Variants in CAMKMT observed in about 807,000 individuals in gnomAD.
CAMKMT encodes the protein calmodulin-lysine N-methyltransferase.
CAMKMT carries 53 observed loss-of-function variants against 48.0 expected under a neutral mutation model. That is an observed-to-expected ratio of 1.10 (90% confidence interval 0.89 to 1.39). CAMKMT has a LOEUF of 1.39. Among genes scored for constraint, CAMKMT ranks in the 40% most tolerant of loss-of-function variants. CAMKMT has a pLI of 0.00. For synonymous variants in CAMKMT, 165 were observed against 152.3 expected, an observed-to-expected ratio of 1.08 and a Z score of -0.61; for missense variants, 428 against 402.7, an observed-to-expected ratio of 1.06 and a Z score of -0.54.
At chr2:44,415,996 A>G (rs1451855680) in intron 3 of CAMKMT, among the ~76,000 whole-genome samples, 3 of 152,248 alleles carry the variant, frequency 2.0e-5, no homozygotes, top group Admixed American at 6.5e-5. Flanking sequence ...TCTCATGTCA[A>G]TCTAAATGTG....
At chr2:44,712,514 C>T (rs1236469468) in intron 6 of CAMKMT, among the ~76,000 whole-genome samples, 1 of 151,886 alleles carries the variant, frequency 6.6e-6, no homozygotes, top group Non-Finnish European at 1.5e-5. Context: ...TGAAATGGAG[C>T]CCTACCTCTG....
At chr2:44,660,216 A>G (rs371378821) in intron 3 of CAMKMT, among the ~76,000 whole-genome samples, 11 of 152,310 alleles carry the variant, frequency 7.2e-5, no homozygotes, top group African/African-American at 2.6e-4. Context: ...AGACAGCTGG[A>G]CTGTCTTATC....
At chr2:44,515,040 G>C (rs1443047419) in intron 3 of CAMKMT, among the ~76,000 whole-genome samples, 2 of 152,186 alleles carry the variant, frequency 1.3e-5, no homozygotes, top group African/African-American at 4.8e-5. Flanking sequence ...GGCAAATAAA[G>C]CTGACCTGAT....
intron 2 of CAMKMT, among the ~76,000 whole-genome samples, chr2:44,376,784 T>A (rs938490068): frequency 2.0e-5 from 3 of 152,204 alleles, no homozygotes; most frequent in Non-Finnish European, 4.4e-5. Context: ...TGATAATAAT[T>A]AAAATGAAGG....
intron 3 of CAMKMT, among the ~76,000 whole-genome samples, chr2:44,609,010 T>G (rs896609607): frequency 1.3e-5 from 2 of 152,232 alleles, no homozygotes; most frequent in African/African-American, 4.8e-5. Flanking sequence ...TCTACCTTTT[T>G]CTTGCCATAC....
chr2:44,549,569 T>C, intron 3 of CAMKMT: 1 of 694,790 alleles, frequency 1.4e-6, no homozygotes. Flanking sequence ...AGGGTCTCAC[T>C]CTGTTGCCCA....
intron 7 of CAMKMT, among the ~76,000 whole-genome samples, chr2:44,721,696 G>A (rs1678468387): frequency 1.3e-5 from 2 of 152,190 alleles, no homozygotes; most frequent in Admixed American, 1.3e-4. Context: ...TTGGCCAGAT[G>A]TGCTGGTTCA....
intron 3 of CAMKMT, among the ~76,000 whole-genome samples, chr2:44,627,689 A>T (rs12471836): frequency 5.5e-5 from 7 of 128,382 alleles, no homozygotes; most frequent in East Asian, 5.0e-4. Flanking sequence ...TAATGGTCCC[A>T]TTTTATCCTT....
At chr2:44,642,569 G>T (rs1673505727) in intron 3 of CAMKMT, among the ~76,000 whole-genome samples, 1 of 152,216 alleles carries the variant, frequency 6.6e-6, no homozygotes, top group African/African-American at 2.4e-5. Context: ...CTGCTTCTCT[G>T]CATTGTGTGT....
chr2:44,435,629 A>G (rs945962709), intron 3 of CAMKMT, among the ~76,000 whole-genome samples: 2 of 152,236 alleles, frequency 1.3e-5, no homozygotes, highest in Admixed American at 6.5e-5. Flanking sequence ...CTTAATCACT[A>G]TGTTTCTGAC....
intron 3 of CAMKMT, among the ~76,000 whole-genome samples, chr2:44,535,330 C>T (rs916421822): frequency 4.6e-5 from 7 of 152,120 alleles, no homozygotes; most frequent in Non-Finnish European, 1.0e-4. Context: ...GAAGGACTCA[C>T]TCCTCAAACC....
At chr2:44,499,554 C>T (rs1476041559) in intron 3 of CAMKMT, among the ~76,000 whole-genome samples, 2 of 152,130 alleles carry the variant, frequency 1.3e-5, no homozygotes, top group East Asian at 1.9e-4. Context: ...CTTTTAAATT[C>T]TTATAGTGAA....
At chr2:44,558,574 A>G (rs1337281179) in intron 3 of CAMKMT, among the ~76,000 whole-genome samples, 1 of 152,190 alleles carries the variant, frequency 6.6e-6, no homozygotes, top group Non-Finnish European at 1.5e-5. Context: ...ATTGTGGTAC[A>G]TATGCCCCAT....
intron 3 of CAMKMT, among the ~76,000 whole-genome samples, chr2:44,546,782 A>C (rs1667435109): frequency 6.6e-6 from 1 of 152,222 alleles, no homozygotes; most frequent in African/African-American, 2.4e-5. Context: ...TTAAAATGTA[A>C]TCACAAAATT....
In CAMKMT at chr2:44,381,929, TTTATC is replaced by T. The variant is rs1169395560; in HGVS notation, c.312-8308_312-8304del. Among the ~76,000 whole-genome samples the T allele has an allele frequency of 3.4e-5, 5 of 149,066 alleles. No homozygotes were observed. The East Asian group carries it at 9.9e-4, about 30-fold the overall frequency. ...CTGTATTGTTGATAATTTTAATAGT[TTTATC>T]TTACACTTTTTTTTTTTTTTTTTTG... On this transcript the variant is annotated intron_variant, in intron 2 of 10. Transcript: ENST00000378494.
intron 3 of CAMKMT, among the ~76,000 whole-genome samples, chr2:44,673,087 A>G (rs953239410): frequency 1.3e-5 from 2 of 152,164 alleles, no homozygotes; most frequent in Non-Finnish European, 2.9e-5. Flanking sequence ...GATTTTTTTA[A>G]TTGGCACTAC....
chr2:44,537,316 G>A (rs1195759021), intron 3 of CAMKMT, among the ~76,000 whole-genome samples: 1 of 152,044 alleles, frequency 6.6e-6, no homozygotes, highest in Non-Finnish European at 1.5e-5. Flanking sequence ...CAACTCAACA[G>A]TAAAACAAAC....
chr2:44,771,325 T>G (rs1158678504), intron 10 of CAMKMT, among the ~76,000 whole-genome samples: 1 of 152,220 alleles, frequency 6.6e-6, no homozygotes, highest in Non-Finnish European at 1.5e-5. Context: ...AATTTTTATT[T>G]GCTAGAATAA....
At position 44,498,363 on chromosome 2, in the gene CAMKMT, A is replaced by T. The variant is rs116426168; in HGVS notation, c.376+108058A>T. 5.8e-4 allele frequency among the ~76,000 whole-genome samples: 88 copies of T among 152,348 alleles called. No individual in the cohort carries two copies. In the East Asian group the frequency reaches 0.011, roughly 20 times the overall value. ...ATGAGATTAGGCTCTTACACTGAGA[A>T]ATTAAAGTAAAACAAGCTATTTATT... On this transcript the variant is annotated intron_variant, in intron 3 of 10. Transcript: ENST00000378494.
Sources: gnomAD v4.1 joint callset for allele counts (sites outside exome capture counted in the v4.1 genomes callset) on GRCh38, gnomAD v4.1.1 for gene constraint, MANE v1.5 for transcripts, NCBI Gene and HGNC (gene_info 2026-07-23, HGNC 2026-07-21) for gene names.